Variants in TIAM1 observed in about 807,000 individuals in gnomAD.
TIAM1 encodes rho guanine nucleotide exchange factor TIAM1.
Under a neutral mutation model 163.5 loss-of-function variants are expected in TIAM1, and 65 were observed. The observed-to-expected ratio is 0.40, with a 90% confidence interval of 0.33 to 0.49. TIAM1 has a LOEUF of 0.49. Ranked by LOEUF, TIAM1 falls within the 20% of genes least tolerant of loss-of-function variation. The pLI is 0.77. For missense variants in TIAM1, 1,789 were observed against 2,044.7 expected (o/e 0.87, Z 2.41); for synonymous variants, 833 against 810.1 (o/e 1.03, Z -0.48).
intron 4 of TIAM1, among the ~76,000 whole-genome samples, chr21:31,254,581 A>G (rs1357753972): frequency 6.6e-6 from 1 of 152,196 alleles, no homozygotes; most frequent in African/African-American, 2.4e-5. Flanking sequence ...CTGTAGTCCC[A>G]GCTACTCGGG....
upstream of TIAM1, among the ~76,000 whole-genome samples, chr21:31,349,052 A>T (rs186254843): frequency 1.4e-3 from 211 of 152,324 alleles, no homozygotes; most frequent in African/African-American, 4.9e-3. Flanking sequence ...AAATTCCCTA[A>T]AATCCAAGGG....
At chr21:31,390,473 C>T (rs1438974982) in intron 2 of TIAM1, among the ~76,000 whole-genome samples, 2 of 152,144 alleles carry the variant, frequency 1.3e-5, no homozygotes, top group African/African-American at 4.8e-5. Context: ...ATTACATTAG[C>T]TCTTCTCATC....
rs182809342 is a variant in TIAM1, at chr21:31,454,489, G to A, written c.-369+9494C>T. Among the ~76,000 whole-genome samples, 289 of 152,282 alleles carry A rather than the reference G, an allele frequency of 1.9e-3. 1 individual carries two copies. Among genetic ancestry groups the A allele is most frequent in the African/African-American group, 6.7e-3 (279 of 41,568 alleles). On this transcript the variant is annotated intron_variant, in intron 2 of 28. Transcript: ENST00000286827. ...CTTAACACGGGCCAGAGCAAGGTAG[G>A]CGTTCACACAGGAAGGGGAGGCCAT...
intron 2 of TIAM1, among the ~76,000 whole-genome samples, chr21:31,317,660 G>T (rs1225142039): frequency 1.3e-5 from 2 of 152,050 alleles, no homozygotes; most frequent in Admixed American, 6.5e-5. Context: ...CGCACTTATA[G>T]TCCCAGCTAC....
intron 15 of TIAM1, among the ~76,000 whole-genome samples, chr21:31,173,356 A>G (rs1430962593): frequency 1.3e-5 from 2 of 152,258 alleles, no homozygotes; most frequent in African/African-American, 4.8e-5. Flanking sequence ...CACTGTCAAT[A>G]AAGATATTTA....
Position 31,182,524 on chromosome 21 carries a change from G to A in TIAM1, c.2784C>T (p.Pro928=), listed in dbSNP as rs60440604. The change falls in exon 15 of 28, where the codon CCC becomes CCT. Residue 928 remains proline (P), a synonymous_variant. Coordinates refer to ENST00000541036, the MANE Select transcript of TIAM1 (RefSeq NM_001353694.2). ...GCAGCTCCACTCCTTCCTCCAGCTC[G>A]GGGTAGGTCCTCACCAGGAGGCCCA... is the stretch of plus-strand genomic sequence containing the variant. The part of the protein sequence containing the change: ...PSLGLLVRTY[P]ELEEGVELLE... The A allele has an allele frequency of 2.7e-3, 4,332 of 1,613,794 alleles. 91 individuals carry two copies. The African/African-American group carries it at 0.048, about 18-fold the overall frequency.
intron 12 of TIAM1, 112 bp from the exon 13 acceptor site, chr21:31,195,417 C>A: frequency 4.1e-6 from 3 of 723,504 alleles, no homozygotes; most frequent in South Asian, 3.8e-5. Context: ...TGAATTTGCA[C>A]TTCACAATCT....
chr21:31,316,928 G>A (rs1244702211), intron 2 of TIAM1, among the ~76,000 whole-genome samples: 1 of 152,176 alleles, frequency 6.6e-6, no homozygotes, highest in East Asian at 1.9e-4. Flanking sequence ...AGGTGGGTAA[G>A]TCTACCTAAC....
intron 15 of TIAM1, among the ~76,000 whole-genome samples, chr21:31,172,725 C>T (rs148534802): frequency 7.2e-5 from 11 of 152,190 alleles, no homozygotes; most frequent in African/African-American, 1.4e-4. Flanking sequence ...CTATAGAGCC[C>T]GGCGCAGTGG....
intron 1 of TIAM1, among the ~76,000 whole-genome samples, chr21:31,512,305 G>A (rs2047234957): frequency 6.6e-6 from 1 of 151,706 alleles, no homozygotes; most frequent in Non-Finnish European, 1.5e-5. Context: ...CCCCTGTGTT[G>A]CCCAGGCTGG....
intron 2 of TIAM1, among the ~76,000 whole-genome samples, chr21:31,309,627 A>G (rs907016245): frequency 1.3e-5 from 2 of 152,190 alleles, no homozygotes; most frequent in Non-Finnish European, 2.9e-5. Flanking sequence ...CCTTCTGAAA[A>G]GTCATGAGAA....
At chr21:31,329,517 G>A (rs948961667) in intron 2 of TIAM1, among the ~76,000 whole-genome samples, 29 of 151,640 alleles carry the variant, frequency 1.9e-4, no homozygotes, top group African/African-American at 6.6e-4. Context: ...CCTGCTGTCC[G>A]TAACCACCCT....
At chr21:31,156,766 G>A (rs1181136426) in intron 16 of TIAM1, among the ~76,000 whole-genome samples, 1 of 152,180 alleles carries the variant, frequency 6.6e-6, no homozygotes, top group Non-Finnish European at 1.5e-5. Flanking sequence ...TGGACAGACA[G>A]TGATAACAGC....
At chr21:31,506,312 A>G (rs979159685) in intron 1 of TIAM1, among the ~76,000 whole-genome samples, 2 of 149,310 alleles carry the variant, frequency 1.3e-5, no homozygotes, top group African/African-American at 4.9e-5. Context: ...CCTCCCTTCC[A>G]TATCTTTTTT....
intron 1 of TIAM1, among the ~76,000 whole-genome samples, chr21:31,482,651 A>C (rs572587346): frequency 1.2e-4 from 19 of 152,170 alleles, no homozygotes; most frequent in Non-Finnish European, 2.4e-4. Flanking sequence ...GGGAGCCCAG[A>C]AGCACAACAG....
At chr21:31,259,415 G>A (rs1022510357) in intron 4 of TIAM1, among the ~76,000 whole-genome samples, 3 of 151,862 alleles carry the variant, frequency 2.0e-5, no homozygotes, top group Admixed American at 2.0e-4. Flanking sequence ...GGGATTATAG[G>A]CATGAGCCAA....
chr21:31,151,644 T>C (rs1177474558), intron 19 of TIAM1, among the ~76,000 whole-genome samples: 2 of 152,134 alleles, frequency 1.3e-5, no homozygotes, highest in Non-Finnish European at 2.9e-5. Context: ...ATTGTCCTGA[T>C]TGTGACGATG....
At chr21:31,183,954 A>G (rs1213817670) in intron 14 of TIAM1, among the ~76,000 whole-genome samples, 2 of 112,570 alleles carry the variant, frequency 1.8e-5, no homozygotes, top group Non-Finnish European at 3.8e-5. Flanking sequence ...ATTTTTATTT[A>G]TTTATTTTTT....
chr21:31,309,747 C>A (rs1677498853), intron 2 of TIAM1, among the ~76,000 whole-genome samples: 1 of 152,132 alleles, frequency 6.6e-6, no homozygotes, highest in Non-Finnish European at 1.5e-5. Flanking sequence ...GCATAGATCC[C>A]TATAAGAAAC....
Sources: allele counts gnomAD v4.1 joint callset (sites outside exome capture counted in the v4.1 genomes callset), GRCh38; gene constraint gnomAD v4.1.1; transcripts MANE v1.5; gene names NCBI Gene and HGNC (gene_info 2026-07-23, HGNC 2026-07-21).